The following PTPRK variants were observed in gnomAD, a reference collection of about 807,000 sequenced individuals.
PTPRK encodes the protein protein tyrosine phosphatase receptor type K.
A neutral mutation model predicts 178.0 loss-of-function variants in PTPRK; 75 were observed. The observed-to-expected ratio is 0.42, with a 90% CI of 0.35 to 0.51. The LOEUF is 0.51. Ranked by LOEUF, PTPRK falls within the 20% of genes least tolerant of loss-of-function variation. The probability of loss-of-function intolerance (pLI) is 0.02; values close to 1 mark genes in which losing one functional copy is unlikely to be tolerated. For missense variants in PTPRK, 1,441 were observed against 1,797.8 expected (o/e 0.80, Z 3.59); for synonymous variants, 637 against 620.6 (o/e 1.03, Z -0.39).
intron 2 of PTPRK, among the ~76,000 whole-genome samples, chr6:128,346,339 T>C (rs886898090): frequency 2.6e-5 from 4 of 151,934 alleles, no homozygotes; most frequent in Non-Finnish European, 5.9e-5. Context: ...AAGATGAAAA[T>C]AGAGAAGCAG....
At chr6:128,170,282 G>T (rs922560396) in intron 7 of PTPRK, among the ~76,000 whole-genome samples, 8 of 151,960 alleles carry the variant, frequency 5.3e-5, no homozygotes, top group Non-Finnish European at 1.2e-4. Context: ...CTACATCTTT[G>T]TCTCTACATC....
intron 3 of PTPRK, among the ~76,000 whole-genome samples, chr6:128,308,430 A>G (rs1230393307): frequency 6.6e-6 from 1 of 151,932 alleles, no homozygotes; most frequent in Non-Finnish European, 1.5e-5. Flanking sequence ...ATAAATATTA[A>G]TAAAAGAAAA....
intron 13 of PTPRK, among the ~76,000 whole-genome samples, chr6:128,012,196 T>C (rs1337326145): frequency 6.6e-6 from 1 of 151,402 alleles, no homozygotes; most frequent in Non-Finnish European, 1.5e-5. Context: ...CTATTACTAC[T>C]ATGAACAGTA....
intron 5 of PTPRK, among the ~76,000 whole-genome samples, chr6:128,235,813 C>A (rs1813146885): frequency 1.3e-5 from 2 of 151,922 alleles, no homozygotes; most frequent in Non-Finnish European, 2.9e-5. Context: ...GTCAGAAGGA[C>A]AATAGTAGCC....
At chr6:128,031,102 C>T (rs1775251069) in intron 13 of PTPRK, among the ~76,000 whole-genome samples, 1 of 152,102 alleles carries the variant, frequency 6.6e-6, no homozygotes, top group Admixed American at 6.6e-5. Flanking sequence ...CGTAGGGACC[C>T]AATATATGAA....
At chr6:127,981,649 C>T (rs1363869465) in intron 24 of PTPRK, among the ~76,000 whole-genome samples, 1 of 152,100 alleles carries the variant, frequency 6.6e-6, no homozygotes, top group East Asian at 1.9e-4. Context: ...AACATCTGGG[C>T]TTGCCATATT....
rs534003236 is a variant in PTPRK at position 128,140,333 on chromosome 6, T to C, written c.1162+44099A>G. ...GGCCTTTGAAAATTAAAAAAATATA[T>C]AAACATTAATTTTTTCCTTTAATCT... On this transcript the variant is annotated intron_variant, in intron 7 of 29. Transcript: ENST00000368226. Among the ~76,000 whole-genome samples the C allele has an allele frequency of 8.6e-5, 13 of 152,006 alleles. No homozygotes were observed. The East Asian group carries it at 9.6e-4, about 11-fold the overall frequency.
At chr6:128,516,479 G>T (rs1399928813) in intron 1 of PTPRK, among the ~76,000 whole-genome samples, 4 of 151,188 alleles carry the variant, frequency 2.6e-5, no homozygotes, top group African/African-American at 4.9e-5. Context: ...GAGGGATCGA[G>T]GGATATTTAG....
chr6:128,283,973 A>T (rs1299231636), intron 3 of PTPRK, among the ~76,000 whole-genome samples: 1 of 152,088 alleles, frequency 6.6e-6, no homozygotes, highest in Non-Finnish European at 1.5e-5. Context: ...CTGAAGCAAG[A>T]CTCTGAAGGT....
chr6:128,236,790 T>C (rs1310659768), intron 5 of PTPRK, among the ~76,000 whole-genome samples: 1 of 152,222 alleles, frequency 6.6e-6, no homozygotes, highest in East Asian at 1.9e-4. Context: ...GTATCATTAG[T>C]TCATTTAGCA....
chr6:127,989,119 CT>C (rs1367601791), intron 21 of PTPRK, among the ~76,000 whole-genome samples: 1 of 152,000 alleles, frequency 6.6e-6, no homozygotes, highest in African/African-American at 2.4e-5. Flanking sequence ...TTGGCAATAT[CT>C]CAACTTTTTG....
chr6:128,288,750 T>C (rs1273242699), intron 3 of PTPRK, among the ~76,000 whole-genome samples: 1 of 152,130 alleles, frequency 6.6e-6, no homozygotes, highest in East Asian at 1.9e-4. Context: ...TGAAATACTC[T>C]CCCCCTTCAC....
Position 128,191,420 on chromosome 6 carries a change from G to C in PTPRK, c.869-6695C>G. On this transcript the variant is annotated intron_variant, in intron 6 of 29. Transcript: ENST00000368226. ...ACCGGGGCAGGGCAGGGGCAGGGCG[G>C]GGAGTTTGTAGGGAAATGGAGAGAT... 1.3e-5 allele frequency among the ~76,000 whole-genome samples: 2 copies of C among 152,024 alleles called. 1 individual carries two copies.
chr6:127,982,538 T>C (rs558516154), intron 24 of PTPRK, among the ~76,000 whole-genome samples: 2 of 152,336 alleles, frequency 1.3e-5, no homozygotes, highest in African/African-American at 4.8e-5. Flanking sequence ...CCTCCCAAAG[T>C]GCTGGGATTG....
intron 3 of PTPRK, among the ~76,000 whole-genome samples, chr6:128,292,858 G>C (rs1292948879): frequency 6.6e-6 from 1 of 151,688 alleles, no homozygotes; most frequent in Non-Finnish European, 1.5e-5. Flanking sequence ...AACAGCTGTG[G>C]GTAATTTATA....
At position 128,267,588 on chromosome 6, in the gene PTPRK, C is replaced by A. The variant is rs2179722; in HGVS notation, c.496-24986G>T. Among the ~76,000 whole-genome samples the A allele has an allele frequency of 4.8e-3, 732 of 152,026 alleles. 9 individuals are homozygous for A. Among genetic ancestry groups the A allele is most frequent in the African/African-American group, 0.017 (699 of 41,502 alleles). On this transcript the variant is annotated intron_variant, in intron 3 of 29. Transcript: ENST00000368226. The stretch of plus-strand genomic sequence containing the variant: ...AATAGTTGGCTATTACCAATAATTC[C>A]CAAAAAACTTCCTCAAAAAAGTTTA...
At position 128,302,748 on chromosome 6, in the gene PTPRK, C is replaced by T. The variant is rs115929673; in HGVS notation, c.495+19291G>A. 5.7e-3 allele frequency among the ~76,000 whole-genome samples: 865 copies of T among 152,140 alleles called. 8 individuals are homozygous for T. Among genetic ancestry groups the T allele is most frequent in the African/African-American group, 0.02 (809 of 41,474 alleles). On this transcript the variant is annotated intron_variant, in intron 3 of 29. Coordinates refer to ENST00000368226, the MANE Select transcript of PTPRK (RefSeq NM_002844.4). ...ATCATAAATGTTGGTATTCATGAAC[C>T]CTTTTCATACTCTGTTTATTCTTCC...
At chr6:128,199,086 T>A (rs543647657) in intron 6 of PTPRK, among the ~76,000 whole-genome samples, 2 of 152,296 alleles carry the variant, frequency 1.3e-5, no homozygotes, top group African/African-American at 4.8e-5. Flanking sequence ...AAAATCAGCA[T>A]ACCCTATGAC....
chr6:128,361,521 G>A (rs1231974293), intron 2 of PTPRK, among the ~76,000 whole-genome samples: 1 of 152,114 alleles, frequency 6.6e-6, no homozygotes, highest in Admixed American at 6.6e-5. Context: ...TGTCACTGTA[G>A]TTGTGCAAAC....
Sources: allele counts gnomAD v4.1 joint callset (sites outside exome capture counted in the v4.1 genomes callset), GRCh38; gene constraint gnomAD v4.1.1; transcripts MANE v1.5; gene names NCBI Gene and HGNC (gene_info 2026-07-23, HGNC 2026-07-21).